THBS4: variants seen among roughly 807,000 people sequenced by gnomAD.
THBS4 encodes thrombospondin-4.
In THBS4, 90 loss-of-function variants were observed where a neutral mutation model predicts 115.7. The observed-to-expected ratio is 0.78, with a 90% CI of 0.66 to 0.93. THBS4 has a LOEUF of 0.93. Among genes scored for constraint, THBS4 ranks in the 40% least tolerant of loss-of-function variants. The pLI is 0.00. For synonymous variants in THBS4, 460 were observed against 479.3 expected, an observed-to-expected ratio of 0.96 and a Z score of 0.53; for missense variants, 1,087 against 1,232.7, an observed-to-expected ratio of 0.88 and a Z score of 1.77.
At chr5:79,991,384 G>T in exon 1 of THBS4, 1 of 720,300 alleles carries the variant, frequency 1.4e-6, no homozygotes, top group Non-Finnish European at 2.2e-6. Flanking sequence ...GGATTAAGAA[G>T]AACTCTTAGG....
intron 10 of THBS4, among the ~76,000 whole-genome samples, chr5:80,069,363 G>A (rs888434432): frequency 8.5e-5 from 13 of 152,314 alleles, no homozygotes; most frequent in Admixed American, 5.9e-4. Flanking sequence ...GGAAGAATGT[G>A]GTGTATCAGA....
intron 8 of THBS4, among the ~76,000 whole-genome samples, chr5:80,064,364 G>A (rs1331543232): frequency 6.6e-6 from 1 of 152,148 alleles, no homozygotes; most frequent in Non-Finnish European, 1.5e-5. Flanking sequence ...CAAAATTCAG[G>A]GCCAATGGAA....
intron 1 of THBS4, among the ~76,000 whole-genome samples, chr5:80,037,880 C>T (rs1009614451): frequency 6.6e-6 from 1 of 152,106 alleles, no homozygotes; most frequent in Non-Finnish European, 1.5e-5. Flanking sequence ...TTTTGAAATG[C>T]AGTAGGCAAC....
In THBS4 at chr5:80,035,635, T is replaced by C; in HGVS notation, c.88+10T>C. The C allele has an allele frequency of 2.2e-6, 3 of 1,343,994 alleles. No individual in the cohort carries two copies. Among genetic ancestry groups the C allele is most frequent in the Non-Finnish European group, 2.9e-6 (3 of 1,045,884 alleles). 83.3% of individuals were successfully genotyped at this position (1,343,994 alleles called of 1,614,324 possible). ...CAGGCCACCCCCCAGGGTAAGTGGG[T>C]TCGGGTCGGGCCTGGGAGCGCCGGG... On this transcript the variant is annotated intron_variant, in intron 1 of 21. Coordinates refer to ENST00000350881, the MANE Select transcript of THBS4 (RefSeq NM_003248.6). This position sits in a 1 kb window ranked among gnomAD's most constrained non-coding sequence, Gnocchi z 4.6.
chr5:80,002,519 C>T (rs2151150439), intron 2 of THBS4, among the ~76,000 whole-genome samples: 1 of 11,454 alleles, frequency 8.7e-5, no homozygotes, highest in South Asian at 2.9e-3. Context: ...TCCCAGTGAC[C>T]CCCATGCTCT....
intron 9 of THBS4, among the ~76,000 whole-genome samples, chr5:80,065,689 G>A (rs1322615971): frequency 6.6e-6 from 1 of 152,084 alleles, no homozygotes; most frequent in Non-Finnish European, 1.5e-5. Flanking sequence ...TAAGTGCCAA[G>A]TTCTTTATTT....
intron 5 of THBS4, among the ~76,000 whole-genome samples, 158 bp from the exon 6 acceptor site, chr5:80,059,282 A>G (rs554823865): frequency 6.6e-6 from 1 of 150,640 alleles, no homozygotes; most frequent in African/African-American, 2.4e-5. Context: ...GTGAGCTGAG[A>G]TCGTGCCACT....
chr5:80,063,725 G>A (rs1561318560), intron 8 of THBS4, among the ~76,000 whole-genome samples: 1 of 152,176 alleles, frequency 6.6e-6, no homozygotes, highest in Non-Finnish European at 1.5e-5. Flanking sequence ...GGAAACATAA[G>A]GTACTTGGTG....
rs1480466551 is a variant in THBS4 at position 80,023,108 on chromosome 5, TATAAC to T, written n.178-16966_178-16962del. On this transcript the variant is annotated intron_variant and non_coding_transcript_variant, in intron 2 of 3. Coordinates refer to the THBS4 transcript ENST00000510218. ...TTCTGCAAAAAACAAATCTCAGAAT[TATAAC>T]ATCACATGAAAACCCAGTCCCTGAT... 9.8e-4 allele frequency among the ~76,000 whole-genome samples: 149 copies of T among 152,308 alleles called. 1 individual carries two copies. Among genetic ancestry groups the T allele is most frequent in the African/African-American group, 3.6e-3 (148 of 41,572 alleles).
chr5:80,070,770 G>A lies in THBS4; in HGVS notation c.1560+20G>A. On this transcript the variant is annotated intron_variant, in intron 12 of 21. Coordinates refer to ENST00000350881, the MANE Select transcript of THBS4 (RefSeq NM_003248.6). Reference sequence around the variant, plus strand: ...GAGCAGGTACCTGCTTCGCTGGGAGGGCCTGTGAATTGCCACGTACCAGGG... The same window carrying A: ...GAGCAGGTACCTGCTTCGCTGGGAGAGCCTGTGAATTGCCACGTACCAGGG... 1.2e-6 allele frequency: 2 copies of A among 1,612,074 alleles called. No individual in the cohort carries two copies. Among genetic ancestry groups the A allele is most frequent in the Non-Finnish European group, 8.5e-7 (1 of 1,178,224 alleles).
At chr5:80,073,209 G>A in intron 14 of THBS4, 66 bp from the exon 15 acceptor site, 2 of 1,528,234 alleles carry the variant, frequency 1.3e-6, no homozygotes, top group Non-Finnish European at 9.1e-7. Context: ...GGTGAGGTCT[G>A]CCTTCTCTGG....
intron 2 of THBS4, among the ~76,000 whole-genome samples, chr5:80,027,415 A>G (rs1276271313): frequency 6.6e-6 from 1 of 152,190 alleles, no homozygotes; most frequent in Non-Finnish European, 1.5e-5. Context: ...CCACAGGCAT[A>G]ACATCATTAA....
In THBS4 at chr5:80,056,297, C is replaced by T. The variant is rs17878812; in HGVS notation, c.540+265C>T. Among the ~76,000 whole-genome samples the T allele has an allele frequency of 3.6e-3, 541 of 152,024 alleles. 3 individuals carry two copies. The highest frequency in any genetic ancestry group is 0.01 in the African/African-American group (428 of 41,442). ...TAAAATACCAATTCTAATGTGATGC[C>T]GAAATTGAGAGCTTGTGCTTTCAAT... On this transcript the variant is annotated intron_variant, in intron 3 of 21. Coordinates refer to ENST00000350881, the MANE Select transcript of THBS4 (RefSeq NM_003248.6).
At chr5:80,023,541 T>C (rs1303022936) in intron 2 of THBS4, among the ~76,000 whole-genome samples, 1 of 152,224 alleles carries the variant, frequency 6.6e-6, no homozygotes, top group African/African-American at 2.4e-5. Context: ...CGTTTCCTCT[T>C]ATTTAAGCTT....
intron 17 of THBS4, 96 bp downstream of exon 17, chr5:80,078,323 C>A: frequency 9.2e-7 from 1 of 1,087,216 alleles, no homozygotes; most frequent in Non-Finnish European, 1.3e-6. Flanking sequence ...AGACAATAAG[C>A]CAGGCATTCT....
chr5:80,076,795 A>C, intron 15 of THBS4, 60 bp from the exon 16 acceptor site: 1 of 1,382,380 alleles, frequency 7.2e-7, no homozygotes, highest in Non-Finnish European at 9.5e-7. Flanking sequence ...CTTCCTAAAA[A>C]TGGATCCTTC....
At chr5:80,004,724 T>C (rs1357007372) in intron 2 of THBS4, among the ~76,000 whole-genome samples, 2 of 152,144 alleles carry the variant, frequency 1.3e-5, no homozygotes, top group Non-Finnish European at 2.9e-5. Flanking sequence ...TAAAAAACAA[T>C]TTATTTATTT....
At chr5:80,058,364 G>A in intron 4 of THBS4, 50 bp downstream of exon 4, 1 of 1,346,862 alleles carries the variant, frequency 7.4e-7, no homozygotes. Context: ...AAACTCCAAA[G>A]ACCCTGAATA....
At chr5:80,009,656 C>CA (rs55638827) in intron 2 of THBS4, among the ~76,000 whole-genome samples, 28,908 of 148,570 alleles carry the variant, frequency 0.19, 2,860 homozygotes, top group Middle Eastern at 0.26. Context: ...AAGAAAAACT[C>CA]AAAAAAAAAA....
Sources: gnomAD v4.1 joint callset for allele counts (sites outside exome capture counted in the v4.1 genomes callset) on GRCh38, gnomAD v4.1.1 for gene constraint, Gnocchi (gnomAD v3.1) non-coding constraint, MANE v1.5 for transcripts, NCBI Gene and HGNC (gene_info 2026-07-23, HGNC 2026-07-21) for gene names.